Variants in RNF212B observed in about 807,000 individuals in gnomAD.
The protein encoded by RNF212B is ring finger protein 212B.
In RNF212B, 52 loss-of-function variants were observed where a neutral mutation model predicts 55.5. The ratio of observed to expected loss-of-function variants is 0.94; its 90% CI spans 0.75 to 1.18. RNF212B has a LOEUF of 1.18. RNF212B is among the 50% of genes most tolerant of loss of function. The pLI is 0.00. For synonymous variants in RNF212B, 99 were observed against 121.4 expected (o/e 0.82, Z 1.21); for missense variants, 289 against 350.4 (o/e 0.82, Z 1.40).
intron 2 of RNF212B, among the ~76,000 whole-genome samples, chr14:23,211,086 C>T (rs1180830399): frequency 1.3e-5 from 2 of 151,172 alleles, no homozygotes; most frequent in African/African-American, 4.9e-5. Flanking sequence ...GTCGTGATGG[C>T]GTACGCCTGT....
intron 1 of RNF212B, among the ~76,000 whole-genome samples, chr14:23,186,451 G>A (rs72684354): frequency 0.15 from 22,141 of 151,696 alleles, 2,131 homozygotes; most frequent in East Asian, 0.37. Flanking sequence ...CTAGGTTCAA[G>A]TGATTCTCCT....
At chr14:23,195,704 C>T (rs1455851533) in intron 2 of RNF212B, among the ~76,000 whole-genome samples, 1 of 152,148 alleles carries the variant, frequency 6.6e-6, no homozygotes, top group Non-Finnish European at 1.5e-5. Context: ...TGGGTCCTTG[C>T]CATGTTCTGA....
chr14:23,217,380 T>G (rs1881193990), intron 2 of RNF212B, among the ~76,000 whole-genome samples: 1 of 152,128 alleles, frequency 6.6e-6, no homozygotes, highest in Non-Finnish European at 1.5e-5. Context: ...TTAACTTCAA[T>G]TCCTGGTTCC....
intron 14 of RNF212B, among the ~76,000 whole-genome samples, chr14:23,271,915 T>C (rs1164820706): frequency 6.6e-6 from 1 of 152,222 alleles, no homozygotes; most frequent in African/African-American, 2.4e-5. Flanking sequence ...TATGATGATA[T>C]CGTAGTTATG....
At chr14:23,244,237 G>T in intron 3 of RNF212B, 85 bp from the exon 4 acceptor site, 1 of 727,544 alleles carries the variant, frequency 1.4e-6, no homozygotes. Flanking sequence ...CATTAGAAAA[G>T]GTGGTACATC....
At chr14:23,210,861 A>G (rs1000846210) in intron 2 of RNF212B, among the ~76,000 whole-genome samples, 11 of 151,904 alleles carry the variant, frequency 7.2e-5, no homozygotes, top group African/African-American at 2.2e-4. Context: ...AACTCTCTGT[A>G]CTACCTTTGC....
chr14:23,258,380 G>T, intron 4 of RNF212B, 169 bp from the exon 5 acceptor site: 1 of 370,926 alleles, frequency 2.7e-6, no homozygotes, highest in Non-Finnish European at 4.8e-6. Context: ...TAGTGTCCTG[G>T]AAATGAGTGC....
intron 2 of RNF212B, among the ~76,000 whole-genome samples, chr14:23,198,850 G>GT (rs1202158770): frequency 6.6e-6 from 1 of 152,152 alleles, no homozygotes; most frequent in Non-Finnish European, 1.5e-5. Flanking sequence ...AGAAAGAGAA[G>GT]TAACATATAA....
rs59923716 is a variant in RNF212B, at chr14:23,216,879, C to CAAAAAA, written c.-1-23446_-1-23441dup. On this transcript the variant is annotated intron_variant, in intron 2 of 15. Coordinates refer to the RNF212B transcript ENST00000399910. ...TGGGTGACTGAATGTGACCCTGTCT[C>CAAAAAA]AAAAAAAAAAAAAAAAAAAAAAAAA... 7.5e-3 allele frequency among the ~76,000 whole-genome samples: 367 copies of CAAAAAA among 48,670 alleles called. 33 individuals carry two copies. Among genetic ancestry groups the CAAAAAA allele is most frequent in the Middle Eastern group, 0.028 (1 of 36 alleles). The allele number at this position is 48,670 out of a possible 152,430, so 31.9% of individuals were successfully genotyped here.
intron 1 of RNF212B, chr14:23,188,002 G>C (rs764552144): frequency 1.3e-5 from 2 of 152,210 alleles, no homozygotes; most frequent in Non-Finnish European, 2.9e-5. Flanking sequence ...AGGAGACTCG[G>C]TCAGTGATTA....
chr14:23,218,143 C>T (rs1329066405), intron 2 of RNF212B, among the ~76,000 whole-genome samples: 6 of 151,732 alleles, frequency 4.0e-5, no homozygotes, highest in South Asian at 2.1e-4. Context: ...CTGAGGTGGG[C>T]GGATCACGAG....
chr14:23,242,131 C>T (rs990214272), intron 2 of RNF212B, among the ~76,000 whole-genome samples: 11 of 87,506 alleles, frequency 1.3e-4, no homozygotes, highest in African/African-American at 3.7e-4. Context: ...AAAAGAAAAA[C>T]CTTTAGTCCC....
intron 2 of RNF212B, among the ~76,000 whole-genome samples, chr14:23,242,157 CAAGTT>C (rs999768686): frequency 9.0e-5 from 13 of 144,302 alleles, no homozygotes; most frequent in African/African-American, 2.0e-4. Context: ...AAAGAACAGT[CAAGTT>C]AAGTAGCCTC....
At chr14:23,242,702 G>A (rs1883687093) in intron 2 of RNF212B, among the ~76,000 whole-genome samples, 1 of 152,154 alleles carries the variant, frequency 6.6e-6, no homozygotes. Context: ...TGCTGGGGTG[G>A]TGGCTCATGC....
chr14:23,205,285 T>G (rs772426002), intron 2 of RNF212B, among the ~76,000 whole-genome samples: 3 of 148,298 alleles, frequency 2.0e-5, no homozygotes, highest in Non-Finnish European at 4.4e-5. Flanking sequence ...TAGACAAAAA[T>G]TTTTCTCTTT....
At chr14:23,229,629 A>G (rs146283718) in intron 2 of RNF212B, among the ~76,000 whole-genome samples, 177 of 152,226 alleles carry the variant, frequency 1.2e-3, no homozygotes, top group African/African-American at 3.9e-3. Context: ...CATTTCCCCT[A>G]TGACTAATTA....
chr14:23,237,934 G>C (rs568616568), upstream of RNF212B, among the ~76,000 whole-genome samples: 1 of 152,164 alleles, frequency 6.6e-6, no homozygotes, highest in Non-Finnish European at 1.5e-5. Flanking sequence ...GCTGCGCCCA[G>C]CCTCTTTCCT....
At chr14:23,211,324 C>A (rs1296790478) in intron 2 of RNF212B, among the ~76,000 whole-genome samples, 1 of 151,966 alleles carries the variant, frequency 6.6e-6, no homozygotes, top group African/African-American at 2.4e-5. Context: ...GAATAGATAA[C>A]CTAAATATCT....
At chr14:23,263,475 A>T (rs1885451012) in intron 9 of RNF212B, among the ~76,000 whole-genome samples, 1 of 152,178 alleles carries the variant, frequency 6.6e-6, no homozygotes, top group Admixed American at 6.5e-5. Context: ...TGCCAGACAA[A>T]CTGGTAATCA....
Sources: allele counts gnomAD v4.1 joint callset (sites outside exome capture counted in the v4.1 genomes callset), GRCh38; gene constraint gnomAD v4.1.1; transcripts MANE v1.5; gene names NCBI Gene and HGNC (gene_info 2026-07-23, HGNC 2026-07-21).